Variants in TSPAN9 observed in about 807,000 individuals in gnomAD.
TSPAN9 encodes the protein tetraspanin 9, also known as tetraspanin-9.
Under a neutral mutation model 31.0 loss-of-function variants are expected in TSPAN9, and 16 were observed. The observed-to-expected ratio is 0.52, with a 90% CI of 0.35 to 0.78. TSPAN9 has a LOEUF of 0.78. TSPAN9 is among the 30% of genes least tolerant of loss of function. TSPAN9 has a pLI of 0.01. For synonymous variants in TSPAN9, 145 were observed against 121.6 expected, an observed-to-expected ratio of 1.19 and a Z score of -1.27; for missense variants, 272 against 312.5, an observed-to-expected ratio of 0.87 and a Z score of 0.98.
chr12:3,239,890 C>CA (rs946132951), intron 3 of TSPAN9, among the ~76,000 whole-genome samples: 25 of 151,036 alleles, frequency 1.7e-4, no homozygotes, highest in South Asian at 1.5e-3. Context: ...GGAATAAAGC[C>CA]AAAAAAACAC....
chr12:3,112,888 C>T (rs2098319869), intron 2 of TSPAN9, among the ~76,000 whole-genome samples: 1 of 151,822 alleles, frequency 6.6e-6, no homozygotes, highest in Non-Finnish European at 1.5e-5. Flanking sequence ...TAACTGTTGC[C>T]CAGGTTGGTC....
chr12:3,123,824 T>C (rs1007764246), intron 2 of TSPAN9, among the ~76,000 whole-genome samples: 1 of 152,110 alleles, frequency 6.6e-6, no homozygotes, highest in Non-Finnish European at 1.5e-5. Context: ...TCCTTCCCAC[T>C]TCGTATCCTG....
At chr12:3,252,542 C>T (rs892499537) in intron 3 of TSPAN9, among the ~76,000 whole-genome samples, 2 of 152,262 alleles carry the variant, frequency 1.3e-5, no homozygotes, top group South Asian at 2.1e-4. Flanking sequence ...ACGGAGCCCC[C>T]TCCTACTGTA....
chr12:3,242,815 A>AT, intron 3 of TSPAN9, among the ~76,000 whole-genome samples: 1 of 152,310 alleles, frequency 6.6e-6, no homozygotes, highest in South Asian at 2.1e-4. Context: ...ACTCATGTCT[A>AT]TTCTGGTTTC....
intron 3 of TSPAN9, among the ~76,000 whole-genome samples, chr12:3,248,982 G>A (rs1015660170): frequency 1.8e-4 from 28 of 152,262 alleles, no homozygotes; most frequent in Admixed American, 1.2e-3. Context: ...CGTCCCACCC[G>A]TTCCTGTGCA....
At position 3,252,128 on chromosome 12, in the gene TSPAN9, C is replaced by T. The variant is rs182334433; in HGVS notation, c.64-26293C>T. 1.4e-3 allele frequency among the ~76,000 whole-genome samples: 214 copies of T among 152,216 alleles called. 3 individuals carry two copies. The highest frequency in any genetic ancestry group is 4.9e-3 in the African/African-American group (204 of 41,542). Reference sequence around the variant, plus strand: ...AGACCCCATGAACCATGGAGCGCCCCCCGCACTTAAAACTCTGCATACCTC... The same window carrying T: ...AGACCCCATGAACCATGGAGCGCCCTCCGCACTTAAAACTCTGCATACCTC... On this transcript the variant is annotated intron_variant, in intron 3 of 8. Transcript: ENST00000011898.
intron 2 of TSPAN9, among the ~76,000 whole-genome samples, chr12:3,158,179 G>T (rs551343746): frequency 2.9e-4 from 44 of 152,242 alleles, no homozygotes; most frequent in South Asian, 1.2e-3. Context: ...GCTTCCCTGT[G>T]TCCCGGAGGA....
intron 2 of TSPAN9, among the ~76,000 whole-genome samples, chr12:3,199,711 C>A (rs1301078168): frequency 1.3e-5 from 2 of 152,148 alleles, no homozygotes; most frequent in Non-Finnish European, 2.9e-5. Context: ...CCTGGCGGAG[C>A]GCCTTGTGTG....
At chr12:3,109,798 C>CAAAA (rs147799673) in intron 2 of TSPAN9, among the ~76,000 whole-genome samples, 129 of 91,928 alleles carry the variant, frequency 1.4e-3, no homozygotes, top group African/African-American at 4.5e-3. Flanking sequence ...AACTCTGTCT[C>CAAAA]AAAAAAAAAA....
Position 3,187,160 on chromosome 12 carries a change from C to T in TSPAN9, c.-17-14017C>T, listed in dbSNP as rs1489514497. On this transcript the variant is annotated intron_variant, in intron 2 of 8. Transcript: ENST00000011898. This position sits in a 1 kb window ranked among gnomAD's most constrained non-coding sequence, Gnocchi z 5.2. ...AGGGGAGGGCCTCTGTTTTCTTTCA[C>T]TTGGCAGATCACCTGTGTTCATGCC... is the stretch of plus-strand genomic sequence containing the variant. Among the ~76,000 whole-genome samples the T allele has an allele frequency of 6.6e-6, 1 of 152,152 alleles. No homozygotes were observed.
chr12:3,117,491 C>T (rs61916267), intron 2 of TSPAN9, among the ~76,000 whole-genome samples: 48,478 of 151,572 alleles, frequency 0.32, 7,925 homozygotes, highest in Middle Eastern at 0.45. Context: ...AATCCAAGTG[C>T]TTAGCGGTCC....
In TSPAN9 at chr12:3,192,199, A is replaced by G. The variant is rs2098364763; in HGVS notation, c.-17-8978A>G. Among the ~76,000 whole-genome samples, 1 of 152,202 alleles carries G rather than the reference A, an allele frequency of 6.6e-6. No individual in the cohort carries two copies. The highest frequency in any genetic ancestry group is 1.5e-5 in the Non-Finnish European group (1 of 68,048). Reference sequence around the variant, plus strand: ...AGGATTTGGACTGTACTAGAAAAGTAGACTAGGAAACACACAGGCACACAC... The same window carrying G: ...AGGATTTGGACTGTACTAGAAAAGTGGACTAGGAAACACACAGGCACACAC... On this transcript the variant is annotated intron_variant, in intron 2 of 8. Transcript: ENST00000011898. The surrounding 1 kb of genome is among the most constrained non-coding windows in gnomAD (Gnocchi z 4.6).
intron 3 of TSPAN9, among the ~76,000 whole-genome samples, chr12:3,212,239 G>A (rs1333957527): frequency 1.3e-5 from 2 of 152,026 alleles, no homozygotes; most frequent in Admixed American, 6.5e-5. Flanking sequence ...CAAAGTGCTG[G>A]GATTACAGGC....
chr12:3,157,483 C>A (rs1356308386), intron 2 of TSPAN9, among the ~76,000 whole-genome samples: 1 of 152,214 alleles, frequency 6.6e-6, no homozygotes, highest in African/African-American at 2.4e-5. Flanking sequence ...CTTGACGAAC[C>A]TCATTAGCCT....
chr12:3,093,660 G>C (rs1452447987), intron 2 of TSPAN9, among the ~76,000 whole-genome samples: 4 of 152,160 alleles, frequency 2.6e-5, no homozygotes, highest in African/African-American at 7.2e-5. Flanking sequence ...GAAGGGGATA[G>C]TGAGTTACAG....
chr12:3,081,840 G>GTATATATATATATA (rs1279686443), intron 1 of TSPAN9, among the ~76,000 whole-genome samples: 50 of 30,154 alleles, frequency 1.7e-3, no homozygotes, highest in East Asian at 0.01. Flanking sequence ...GTGTGTCTGT[G>GTATATATATATATA]TGTGTATATA....
chr12:3,122,551 A>G (rs7977942), intron 2 of TSPAN9, among the ~76,000 whole-genome samples: 27,775 of 151,644 alleles, frequency 0.18, 2,608 homozygotes, highest in Middle Eastern at 0.24. Flanking sequence ...GAGATACCAC[A>G]CCTGGCCCTG....
At chr12:3,255,010 A>G (rs2153978487) in intron 3 of TSPAN9, among the ~76,000 whole-genome samples, 1 of 152,294 alleles carries the variant, frequency 6.6e-6, no homozygotes, top group Non-Finnish European at 1.5e-5. Context: ...CCCTGTCGCC[A>G]AGAGATTGGC....
In TSPAN9 at chr12:3,201,172, C is replaced by G. The variant is rs377163510; in HGVS notation, c.-17-5C>G. The G allele has an allele frequency of 3.6e-5, 58 of 1,613,298 alleles. No individual in the cohort carries two copies. Among genetic ancestry groups the G allele is most frequent in the Non-Finnish European group, 4.6e-5 (54 of 1,179,306 alleles). On this transcript the variant is annotated splice_polypyrimidine_tract_variant and splice_region_variant and intron_variant, in intron 2 of 8. Transcript: ENST00000011898. ...ACCTGGACCTGTCCTTTGTGTTCCT[C>G]CTAGAATTTAAGAAGTGCAACATGG...
Sources: allele counts gnomAD v4.1 joint callset (sites outside exome capture counted in the v4.1 genomes callset), GRCh38; gene constraint gnomAD v4.1.1; non-coding constraint Gnocchi (gnomAD v3.1); transcripts MANE v1.5; gene names NCBI Gene and HGNC (gene_info 2026-07-23, HGNC 2026-07-21).